Variants in FRAS1 observed in about 807,000 individuals in gnomAD.
FRAS1 encodes extracellular matrix organizing protein FRAS1.
A neutral mutation model predicts 435.2 loss-of-function variants in FRAS1; 290 were observed. The observed-to-expected ratio is 0.67, with a 90% CI of 0.61 to 0.73. FRAS1 has a LOEUF of 0.73. Among genes scored for constraint, FRAS1 ranks in the 30% least tolerant of loss-of-function variants. The pLI is 0.00. For missense variants in FRAS1, 4,860 were observed against 5,001.5 expected, an observed-to-expected ratio of 0.97 and a Z score of 0.85; for synonymous variants, 1,800 against 1,851.0, an observed-to-expected ratio of 0.97 and a Z score of 0.71.
In FRAS1 at chr4:78,374,157, C is replaced by A; in HGVS notation, c.3057C>A (p.Thr1019=). ...CLQCQGPHEC[T]RCKGPFLLLE... is the part of the protein sequence containing the mutation. ...AGTGCCAAGGTCCCCATGAGTGTAC[C>A]CGCTGCAAAGGGCCATTTCTCCTCT... Residue 1019 remains threonine, a synonymous_variant, in exon 25 of 74, where the codon ACC becomes ACA. Transcript: ENST00000512123. 6.2e-7 allele frequency: 1 copy of A among 1,605,390 alleles called. No homozygotes were observed. Among genetic ancestry groups the A allele is most frequent in the Non-Finnish European group, 8.5e-7 (1 of 1,173,848 alleles).
intron 2 of FRAS1, among the ~76,000 whole-genome samples, chr4:78,113,750 T>C (rs1300766843): frequency 6.6e-6 from 1 of 152,190 alleles, no homozygotes; most frequent in Admixed American, 6.5e-5. Flanking sequence ...ATGAGTAGAT[T>C]GCAAAAATTT....
chr4:78,265,790 C>A (rs1726324493), intron 7 of FRAS1, among the ~76,000 whole-genome samples: 1 of 152,168 alleles, frequency 6.6e-6, no homozygotes, highest in South Asian at 2.1e-4. Flanking sequence ...CCCTTACTCG[C>A]CAGCCACTCT....
At chr4:78,509,058 T>G (rs1578365043) in intron 63 of FRAS1, 52 bp downstream of exon 63, 5 of 1,055,024 alleles carry the variant, frequency 4.7e-6, no homozygotes, top group East Asian at 2.2e-5. Flanking sequence ...AGAACTGGTG[T>G]TGTTCTTTGT....
chr4:78,221,699 A>G (rs1213012909), intron 2 of FRAS1, among the ~76,000 whole-genome samples: 1 of 152,198 alleles, frequency 6.6e-6, no homozygotes, highest in Non-Finnish European at 1.5e-5. Flanking sequence ...TGTGTTGAAC[A>G]GTGTGATTCA....
chr4:78,067,674 TA>T (rs1740108462), intron 2 of FRAS1, among the ~76,000 whole-genome samples: 4 of 36,332 alleles, frequency 1.1e-4, no homozygotes, highest in African/African-American at 2.6e-4. Flanking sequence ...TTCTTTCTTT[TA>T]TTATTATTAT....
chr4:78,203,847 C>T (rs760544107), intron 2 of FRAS1, among the ~76,000 whole-genome samples: 26 of 152,326 alleles, frequency 1.7e-4, no homozygotes, highest in Middle Eastern at 3.4e-3. Context: ...GGATTACAGG[C>T]GTGAGCCACC....
At chr4:78,090,134 G>A (rs1741436921) in intron 2 of FRAS1, among the ~76,000 whole-genome samples, 1 of 152,160 alleles carries the variant, frequency 6.6e-6, no homozygotes, top group Non-Finnish European at 1.5e-5. Flanking sequence ...TGCTGTTCCA[G>A]TAATTGTGAA....
chr4:78,310,059 A>T (rs530085250), intron 15 of FRAS1, among the ~76,000 whole-genome samples: 2 of 152,296 alleles, frequency 1.3e-5, no homozygotes, highest in Non-Finnish European at 1.5e-5. Context: ...ATCCATCAGT[A>T]TTGCCAGTAT....
chr4:78,249,760 G>A (rs1725446605), intron 4 of FRAS1, among the ~76,000 whole-genome samples: 1 of 152,068 alleles, frequency 6.6e-6, no homozygotes, highest in Admixed American at 6.5e-5. Flanking sequence ...AGCTAATATA[G>A]CCCTCTTATT....
At chr4:78,404,092 A>G (rs1733008688) in intron 30 of FRAS1, among the ~76,000 whole-genome samples, 1 of 152,206 alleles carries the variant, frequency 6.6e-6, no homozygotes, top group African/African-American at 2.4e-5. Context: ...GATGGTTTTA[A>G]TAAATAACTT....
At chr4:78,311,829 C>A (rs867818388) in intron 15 of FRAS1, among the ~76,000 whole-genome samples, 1 of 152,124 alleles carries the variant, frequency 6.6e-6, no homozygotes, top group South Asian at 2.1e-4. Flanking sequence ...ATCTTCAACT[C>A]CTGTTGGTCT....
chr4:78,407,936 C>A (rs1473246768), intron 31 of FRAS1, 95 bp downstream of exon 31: 2 of 1,065,524 alleles, frequency 1.9e-6, no homozygotes, highest in Non-Finnish European at 2.6e-6. Context: ...CTGCAGTTGA[C>A]AGGAAATCAC....
intron 46 of FRAS1, 106 bp downstream of exon 46, chr4:78,451,997 C>A: frequency 7.6e-7 from 1 of 1,322,188 alleles, no homozygotes; most frequent in Non-Finnish European, 1.0e-6. Flanking sequence ...CTTTACCTAG[C>A]TGGTGTGGAA....
intron 2 of FRAS1, among the ~76,000 whole-genome samples, chr4:78,207,478 AT>A (rs1723311902): frequency 1.3e-5 from 2 of 152,186 alleles, no homozygotes; most frequent in African/African-American, 4.8e-5. Context: ...GTACCTCTAC[AT>A]ATTTCAAAAA....
intron 2 of FRAS1, among the ~76,000 whole-genome samples, chr4:78,200,371 G>A (rs1722999189): frequency 6.6e-6 from 1 of 152,154 alleles, no homozygotes; most frequent in Non-Finnish European, 1.5e-5. Flanking sequence ...TGCATGATAT[G>A]GAGCTCCTGA....
Position 78,430,380 on chromosome 4 carries a change from T to G in FRAS1, c.4932T>G (p.Leu1644=). 1 of 1,613,782 alleles carries G rather than the reference T, an allele frequency of 6.2e-7. No homozygotes were observed. The highest frequency in any genetic ancestry group is 8.5e-7 in the Non-Finnish European group (1 of 1,179,820). The change falls in exon 37 of 74, where the codon CTT becomes CTG. Residue 1644 remains leucine, a synonymous_variant. Coordinates refer to ENST00000512123, the MANE Select transcript of FRAS1 (RefSeq NM_025074.7). ...LRRPPQHGVL[L]KHTAEFRRPM... ...GACCTCCACAGCATGGTGTGCTTCT[T>G]AAGCATACAGCTGAGTTCCGAAGGC...
intron 2 of FRAS1, among the ~76,000 whole-genome samples, chr4:78,104,567 T>G (rs1381763516): frequency 6.6e-6 from 1 of 152,242 alleles, no homozygotes; most frequent in Non-Finnish European, 1.5e-5. Flanking sequence ...ACTTTTTCAC[T>G]TGCTTTCGTG....
intron 36 of FRAS1, 144 bp from the exon 37 acceptor site, chr4:78,430,148 C>T (rs776572362): frequency 2.2e-6 from 2 of 912,926 alleles, no homozygotes; most frequent in Admixed American, 2.3e-5. Flanking sequence ...CTCTTTTGTG[C>T]CTGATTGGAA....
intron 14 of FRAS1, among the ~76,000 whole-genome samples, chr4:78,306,752 T>C (rs894719122): frequency 3.3e-5 from 5 of 151,994 alleles, no homozygotes; most frequent in African/African-American, 9.7e-5. Context: ...GTTATTCTAG[T>C]TATACATTCT....
Sources: allele counts gnomAD v4.1 joint callset (sites outside exome capture counted in the v4.1 genomes callset), GRCh38; gene constraint gnomAD v4.1.1; transcripts MANE v1.5; gene names NCBI Gene and HGNC (gene_info 2026-07-23, HGNC 2026-07-21).